Variants in TMEM196 observed in about 807,000 individuals in gnomAD.
The protein encoded by TMEM196 is transmembrane protein 196.
TMEM196 carries 17 observed loss-of-function variants against 20.0 expected under a neutral mutation model. The observed-to-expected ratio is 0.85, with a 90% CI of 0.58 to 1.27. The LOEUF (loss-of-function observed/expected upper bound fraction) is 1.27. Ranked by LOEUF, TMEM196 falls within the 50% of genes most tolerant of loss-of-function variation. The pLI is 0.00. For missense variants in TMEM196, 267 were observed against 223.0 expected (o/e 1.20, Z -1.26); for synonymous variants, 113 against 88.9 (o/e 1.27, Z -1.52).
At chr7:19,722,165 T>C (rs1338787108) in intron 4 of TMEM196, 31 bp from the exon 5 acceptor site, 1 of 1,588,782 alleles carries the variant, frequency 6.3e-7, no homozygotes, top group Non-Finnish European at 8.6e-7. Flanking sequence ...TTAATTAAAA[T>C]TCGCTTTTGG....
At chr7:19,732,622 GT>G (rs35891413) in intron 1 of TMEM196, among the ~76,000 whole-genome samples, 21,670 of 133,008 alleles carry the variant, frequency 0.16, 2,123 homozygotes, top group East Asian at 0.6. Context: ...GATTTTTAGA[GT>G]TTTTTTTTTT....
intron 1 of TMEM196, among the ~76,000 whole-genome samples, chr7:19,758,715 C>T (rs896955026): frequency 1.1e-4 from 16 of 152,320 alleles, no homozygotes; most frequent in Non-Finnish European, 2.1e-4. Flanking sequence ...TCAGTGCACA[C>T]GTACTCAGAA....
chr7:19,722,347 A>G (rs1009446888), intron 4 of TMEM196, among the ~76,000 whole-genome samples: 1 of 152,080 alleles, frequency 6.6e-6, no homozygotes, highest in African/African-American at 2.4e-5. Context: ...TTAGACCAAA[A>G]TATTCTCTCC....
chr7:19,742,050 C>A (rs1383648654), intron 1 of TMEM196, among the ~76,000 whole-genome samples: 1 of 152,110 alleles, frequency 6.6e-6, no homozygotes, highest in Non-Finnish European at 1.5e-5. Context: ...CACACACTAT[C>A]CTAATATCAT....
At chr7:19,741,500 T>C (rs182401957) in intron 1 of TMEM196, among the ~76,000 whole-genome samples, 1 of 152,168 alleles carries the variant, frequency 6.6e-6, no homozygotes, top group African/African-American at 2.4e-5. Context: ...ATTTAAACAT[T>C]TGAAAACAGT....
intron 1 of TMEM196, among the ~76,000 whole-genome samples, chr7:19,738,485 A>G (rs986864224): frequency 4.6e-5 from 7 of 152,198 alleles, no homozygotes; most frequent in East Asian, 1.9e-4. Flanking sequence ...GCCAGTATCA[A>G]TGAGCACACC....
chr7:19,771,808 A>G (rs185671154), intron 1 of TMEM196, among the ~76,000 whole-genome samples: 107 of 152,350 alleles, frequency 7.0e-4, no homozygotes, highest in Non-Finnish European at 1.4e-3. Flanking sequence ...CCTAGAGATA[A>G]CTATGACAGT....
intron 1 of TMEM196, among the ~76,000 whole-genome samples, chr7:19,759,779 C>G (rs927750046): frequency 6.6e-6 from 1 of 152,168 alleles, no homozygotes; most frequent in Non-Finnish European, 1.5e-5. Flanking sequence ...TACATCCCCT[C>G]TATAATGGCA....
intron 1 of TMEM196, among the ~76,000 whole-genome samples, chr7:19,747,539 C>G (rs1784805129): frequency 6.6e-6 from 1 of 152,184 alleles, no homozygotes. Context: ...AAATGAACCT[C>G]TATATTTCAG....
chr7:19,729,340 T>C, intron 2 of TMEM196, 42 bp downstream of exon 2: 1 of 1,521,060 alleles, frequency 6.6e-7, no homozygotes, highest in Admixed American at 2.1e-5. Flanking sequence ...ATTTTACGTT[T>C]CATACACCTC....
chr7:19,757,224 A>T (rs1785254098), intron 1 of TMEM196, among the ~76,000 whole-genome samples: 1 of 141,916 alleles, frequency 7.0e-6, no homozygotes, highest in African/African-American at 2.7e-5. Flanking sequence ...CCCAGGCTGG[A>T]GTGCAGTGGC....
At chr7:19,769,527 ACT>A (rs1028644355) in intron 1 of TMEM196, among the ~76,000 whole-genome samples, 16 of 151,422 alleles carry the variant, frequency 1.1e-4, no homozygotes, top group Middle Eastern at 3.4e-3. Flanking sequence ...TGACTGAAAG[ACT>A]CTCTCTTCTC....
At chr7:19,741,080 G>A (rs1354835798) in intron 1 of TMEM196, among the ~76,000 whole-genome samples, 4 of 151,998 alleles carry the variant, frequency 2.6e-5, no homozygotes, top group Non-Finnish European at 4.4e-5. Context: ...ATAGTCTCTC[G>A]ACCCTCTAGA....
chr7:19,758,373 A>G (rs1306097035), intron 1 of TMEM196, among the ~76,000 whole-genome samples: 1 of 152,208 alleles, frequency 6.6e-6, no homozygotes, highest in Non-Finnish European at 1.5e-5. Flanking sequence ...TTATATTTCC[A>G]TTATGGCTTA....
At chr7:19,754,756 CAATT>C (rs1264196200) in intron 1 of TMEM196, among the ~76,000 whole-genome samples, 2 of 152,104 alleles carry the variant, frequency 1.3e-5, no homozygotes, top group Non-Finnish European at 2.9e-5. Context: ...TTAAGCAAGT[CAATT>C]AATTCTCTGG....
intron 1 of TMEM196, among the ~76,000 whole-genome samples, chr7:19,752,888 C>T (rs748632792): frequency 3.2e-4 from 48 of 152,148 alleles, no homozygotes; most frequent in Non-Finnish European, 3.2e-4. Context: ...GCTGGGATTA[C>T]AAGCATGAGC....
rs546680770 is a variant in TMEM196 at position 19,732,272 on chromosome 7, A to G, written c.148-2834T>C. Among the ~76,000 whole-genome samples, 9 of 152,262 alleles carry G rather than the reference A, an allele frequency of 5.9e-5. No individual in the cohort carries two copies. The South Asian group carries it at 1.9e-3, about 32-fold the overall frequency. Reference sequence around the variant, plus strand: ...ATTTAAGACTTTATTAAGTGTCTAAATTAATTTGTTTTTAATAATGGGCTG... The same window carrying G: ...ATTTAAGACTTTATTAAGTGTCTAAGTTAATTTGTTTTTAATAATGGGCTG... On this transcript the variant is annotated intron_variant, in intron 1 of 4. Transcript: ENST00000405844.
rs1229508249 is a variant in TMEM196, at chr7:19,719,649, G to C, written c.*2479C>G. 3 of 152,036 alleles carry C rather than the reference G, an allele frequency of 2.0e-5. No individual in the cohort carries two copies. Among genetic ancestry groups the C allele is most frequent in the Non-Finnish European group, 4.4e-5 (3 of 67,950 alleles). The allele number at this position is 152,036 out of a possible 1,614,324, so 9.4% of individuals were successfully genotyped here. ...AAAACATTCCAGCATGTGGTTCAAT[G>C]TATTGTCCAAATTAAAGTTTCAAGC... On this transcript the variant is annotated 3_prime_UTR_variant, in exon 5 of 5. Transcript: ENST00000405844.
intron 1 of TMEM196, among the ~76,000 whole-genome samples, chr7:19,769,308 G>C (rs963046485): frequency 3.9e-5 from 6 of 152,086 alleles, no homozygotes; most frequent in African/African-American, 1.4e-4. Context: ...GGAAGGGGAA[G>C]TAAGAATGGG....
Sources: allele counts gnomAD v4.1 joint callset (sites outside exome capture counted in the v4.1 genomes callset), GRCh38; gene constraint gnomAD v4.1.1; transcripts MANE v1.5; gene names NCBI Gene and HGNC (gene_info 2026-07-23, HGNC 2026-07-21).